The following CACNB2 variants were observed in gnomAD, a reference collection of about 807,000 sequenced individuals.
CACNB2 encodes the protein calcium voltage-gated channel auxiliary subunit beta 2.
In CACNB2, 42 loss-of-function variants were observed where a neutral mutation model predicts 73.3. The observed-to-expected ratio is 0.57, with a 90% confidence interval of 0.45 to 0.74. The LOEUF (loss-of-function observed/expected upper bound fraction) is 0.74. CACNB2 is among the 30% of genes least tolerant of loss of function. CACNB2 has a pLI of 0.00. For synonymous variants in CACNB2, 348 were observed against 310.3 expected, an observed-to-expected ratio of 1.12 and a Z score of -1.28; for missense variants, 940 against 853.0, an observed-to-expected ratio of 1.10 and a Z score of -1.27.
chr10:18,449,695 A>G (rs1365600008), intron 3 of CACNB2, among the ~76,000 whole-genome samples: 1 of 152,236 alleles, frequency 6.6e-6, no homozygotes, highest in African/African-American at 2.4e-5. Flanking sequence ...CGAGCAGTCT[A>G]TGGGAACTTG....
chr10:18,283,668 A>T (rs1341668882), intron 2 of CACNB2, among the ~76,000 whole-genome samples: 1 of 107,094 alleles, frequency 9.3e-6, no homozygotes, highest in Admixed American at 1.3e-4. Context: ...GGGGCCTGTC[A>T]TGAGTTTGGG....
chr10:18,155,870 G>C (rs570918436), intron 2 of CACNB2, among the ~76,000 whole-genome samples: 102 of 112,422 alleles, frequency 9.1e-4, no homozygotes, highest in African/African-American at 3.2e-3. Flanking sequence ...GAATGAGAGA[G>C]AGAGGGAGAG....
chr10:18,461,990 T>C (rs964327719), intron 3 of CACNB2, among the ~76,000 whole-genome samples: 1 of 152,072 alleles, frequency 6.6e-6, no homozygotes, highest in African/African-American at 2.4e-5. Context: ...TGTTCACTTA[T>C]TTTAGGAAGA....
chr10:18,176,122 G>A (rs1175527155), intron 2 of CACNB2, among the ~76,000 whole-genome samples: 1 of 152,054 alleles, frequency 6.6e-6, no homozygotes, highest in Non-Finnish European at 1.5e-5. Flanking sequence ...CAAAGACAGT[G>A]GTGCGCTTCC....
At chr10:18,185,327 T>A (rs1199918315) in intron 2 of CACNB2, among the ~76,000 whole-genome samples, 1 of 152,192 alleles carries the variant, frequency 6.6e-6, no homozygotes. Flanking sequence ...AACCTAAAAT[T>A]TATTAACAGA....
intron 2 of CACNB2, among the ~76,000 whole-genome samples, chr10:18,187,232 T>G (rs760323217): frequency 6.6e-6 from 1 of 152,172 alleles, no homozygotes; most frequent in Non-Finnish European, 1.5e-5. Context: ...GAGAAGAACC[T>G]ACCGTGGGGA....
intron 2 of CACNB2, among the ~76,000 whole-genome samples, chr10:18,309,292 C>T (rs920611529): frequency 1.3e-5 from 2 of 151,962 alleles, no homozygotes; most frequent in African/African-American, 4.8e-5. Context: ...AAAATGTCTC[C>T]AACAGTTACA....
chr10:18,337,912 T>C lies in CACNB2; in HGVS notation c.214-64012T>C, dbSNP rs565411116. On this transcript the variant is annotated intron_variant, in intron 2 of 13. Coordinates refer to ENST00000324631, the MANE Select transcript of CACNB2 (RefSeq NM_201596.3). ...GAAACTGGATCGTTATCTTATACCATGAACAAAATCAACTCAAAGTGGATT... is the reference window on the plus strand; with the variant it reads ...GAAACTGGATCGTTATCTTATACCACGAACAAAATCAACTCAAAGTGGATT... Among the ~76,000 whole-genome samples, 48 of 152,260 alleles carry C rather than the reference T, an allele frequency of 3.2e-4. No homozygotes were observed. The South Asian group carries it at 9.7e-3, about 31-fold the overall frequency.
chr10:18,232,049 A>G (rs1310013026), intron 2 of CACNB2, among the ~76,000 whole-genome samples: 1 of 152,230 alleles, frequency 6.6e-6, no homozygotes, highest in East Asian at 1.9e-4. Flanking sequence ...AAAAATGACC[A>G]CAAAGGTATT....
chr10:18,150,377 T>C (rs2031401432), intron 1 of CACNB2, among the ~76,000 whole-genome samples: 1 of 152,186 alleles, frequency 6.6e-6, no homozygotes, highest in African/African-American at 2.4e-5. Flanking sequence ...AAGAAAACCC[T>C]CCTCAGCCGG....
intron 2 of CACNB2, among the ~76,000 whole-genome samples, chr10:18,375,773 T>C (rs2042773747): frequency 6.6e-6 from 1 of 152,132 alleles, no homozygotes; most frequent in Non-Finnish European, 1.5e-5. Flanking sequence ...GATGGTTCAA[T>C]GTTACCAGTT....
intron 13 of CACNB2, among the ~76,000 whole-genome samples, chr10:18,538,780 A>G (rs1481818725): frequency 6.6e-6 from 1 of 152,198 alleles, no homozygotes; most frequent in African/African-American, 2.4e-5. Context: ...TTAATGAGTT[A>G]TTATATACAA....
intron 2 of CACNB2, among the ~76,000 whole-genome samples, chr10:18,234,918 C>T (rs1437652268): frequency 1.0e-4 from 15 of 148,670 alleles, no homozygotes; most frequent in African/African-American, 2.7e-4. Flanking sequence ...CTGAGGCGGG[C>T]AGATCACGAG....
intron 2 of CACNB2, among the ~76,000 whole-genome samples, chr10:18,173,517 A>G (rs2033389755): frequency 2.0e-5 from 3 of 152,188 alleles, no homozygotes; most frequent in African/African-American, 4.8e-5. Flanking sequence ...GAGATTTTGG[A>G]ACCTTTTAGG....
At chr10:18,381,276 A>G (rs10828617) in intron 2 of CACNB2, among the ~76,000 whole-genome samples, 37,611 of 150,886 alleles carry the variant, frequency 0.25, 5,213 homozygotes, top group East Asian at 0.66. Flanking sequence ...TGGGAGGCCA[A>G]GGCCTCCCAA....
chr10:18,385,601 C>G (rs559325573), intron 2 of CACNB2, among the ~76,000 whole-genome samples: 58 of 149,878 alleles, frequency 3.9e-4, no homozygotes, highest in African/African-American at 1.4e-3. Flanking sequence ...CGAGATCGTG[C>G]CACTGCACTC....
At chr10:18,375,638 G>A (rs1236271423) in intron 2 of CACNB2, among the ~76,000 whole-genome samples, 2 of 152,200 alleles carry the variant, frequency 1.3e-5, no homozygotes, top group Admixed American at 1.3e-4. Flanking sequence ...TATTGGGGTT[G>A]TGCAGGAGCC....
chr10:18,495,306 G>A (rs956919023), intron 3 of CACNB2, among the ~76,000 whole-genome samples: 2 of 151,030 alleles, frequency 1.3e-5, no homozygotes, highest in African/African-American at 2.4e-5. Context: ...TGCAGCCTCT[G>A]CCTCCCGGGT....
At chr10:18,326,319 T>C (rs1188983081) in intron 2 of CACNB2, among the ~76,000 whole-genome samples, 1 of 152,240 alleles carries the variant, frequency 6.6e-6, no homozygotes, top group Non-Finnish European at 1.5e-5. Context: ...GTGTACTTCA[T>C]GGCTTGAATT....
Sources: gnomAD v4.1 joint callset for allele counts (sites outside exome capture counted in the v4.1 genomes callset) on GRCh38, gnomAD v4.1.1 for gene constraint, MANE v1.5 for transcripts, NCBI Gene and HGNC (gene_info 2026-07-23, HGNC 2026-07-21) for gene names.